The following PECR variants were observed in gnomAD, a reference collection of about 807,000 sequenced individuals.
The protein encoded by PECR is peroxisomal trans-2-enoyl-CoA reductase.
A neutral mutation model predicts 35.3 loss-of-function variants in PECR; 30 were observed. The ratio of observed to expected loss-of-function variants is 0.85; its 90% CI spans 0.64 to 1.15. PECR has a LOEUF of 1.15. Among genes scored for constraint, PECR ranks in the 50% most tolerant of loss-of-function variants. The pLI, the probability that PECR is intolerant of heterozygous loss-of-function variation, is 0.00. For missense variants in PECR, 392 were observed against 370.8 expected, an observed-to-expected ratio of 1.06 and a Z score of -0.47; for synonymous variants, 148 against 138.9, an observed-to-expected ratio of 1.07 and a Z score of -0.46.
At chr2:216,071,449 GA>G (rs1320860295) in intron 1 of PECR, among the ~76,000 whole-genome samples, 3 of 151,236 alleles carry the variant, frequency 2.0e-5, no homozygotes, top group South Asian at 2.1e-4. Flanking sequence ...GTATAGCAAA[GA>G]AAAAAAATCA....
At chr2:216,077,046 C>G (rs567402513) in intron 1 of PECR, among the ~76,000 whole-genome samples, 2 of 151,302 alleles carry the variant, frequency 1.3e-5, no homozygotes, top group Non-Finnish European at 2.9e-5. Flanking sequence ...ATTACACGCA[C>G]GCACCACCTC....
intron 1 of PECR, among the ~76,000 whole-genome samples, chr2:216,072,428 G>A (rs532354226): frequency 2.0e-5 from 3 of 152,294 alleles, no homozygotes; most frequent in African/African-American, 7.2e-5. Flanking sequence ...GGGGACAAGT[G>A]TAGTTTTGTT....
chr2:216,052,770 A>T (rs1466624508), intron 4 of PECR, among the ~76,000 whole-genome samples: 1 of 152,162 alleles, frequency 6.6e-6, no homozygotes, highest in African/African-American at 2.4e-5. Flanking sequence ...ATTTTCACCC[A>T]GTGTCTTCAA....
intron 1 of PECR, among the ~76,000 whole-genome samples, chr2:216,081,312 A>C (rs1490172628): frequency 6.6e-6 from 1 of 152,208 alleles, no homozygotes; most frequent in East Asian, 1.9e-4. Context: ...TATAGAATGG[A>C]TTAATTTTAA....
At chr2:216,033,990 C>T (rs1056822565), downstream of PECR, 4 of 152,108 alleles carry the variant, frequency 2.6e-5, no homozygotes, top group Non-Finnish European at 5.9e-5. Flanking sequence ...AGAATCTTCC[C>T]GCTGGTTGAT....
At chr2:216,029,711 A>G (rs1021374803) in intron 7 of PECR, among the ~76,000 whole-genome samples, 1 of 152,252 alleles carries the variant, frequency 6.6e-6, no homozygotes, top group Non-Finnish European at 1.5e-5. Context: ...AACTCCCAGC[A>G]TGGCTGAAAA....
intron 1 of PECR, among the ~76,000 whole-genome samples, chr2:216,081,100 G>A (rs1026475357): frequency 6.6e-6 from 1 of 152,186 alleles, no homozygotes; most frequent in East Asian, 1.9e-4. Context: ...CAGGTAGATT[G>A]ATTTATGTTC....
chr2:216,074,493 A>AAAAGG (rs1553563151), intron 1 of PECR, among the ~76,000 whole-genome samples: 1 of 133,000 alleles, frequency 7.5e-6, no homozygotes, highest in Admixed American at 8.1e-5. Flanking sequence ...AGAAAGAAAA[A>AAAAGG]AAGGAAGGAA....
chr2:216,035,206 G>C (rs913166477), downstream of PECR, among the ~76,000 whole-genome samples: 2 of 152,200 alleles, frequency 1.3e-5, no homozygotes, highest in Admixed American at 1.3e-4. Context: ...AGAGACATTG[G>C]AGGAGGAAGA....
At chr2:216,069,337 C>T (rs182510987) in intron 1 of PECR, among the ~76,000 whole-genome samples, 1 of 152,288 alleles carries the variant, frequency 6.6e-6, no homozygotes, top group East Asian at 1.9e-4. Flanking sequence ...ATAGCTGTGT[C>T]ACCTCCTGGT....
intron 6 of PECR, among the ~76,000 whole-genome samples, chr2:216,048,368 C>A (rs528999149): frequency 7.4e-4 from 105 of 142,402 alleles, no homozygotes; most frequent in African/African-American, 2.5e-3. Flanking sequence ...AGCCACTGCG[C>A]CTGGCCTTGT....
chr2:216,047,344 TA>T, intron 6 of PECR, among the ~76,000 whole-genome samples: 1 of 152,154 alleles, frequency 6.6e-6, no homozygotes, highest in Middle Eastern at 3.4e-3. Flanking sequence ...AAACTGATAA[TA>T]AAAGCTAGTT....
chr2:216,079,085 G>A (rs893891161), intron 1 of PECR, among the ~76,000 whole-genome samples: 3 of 150,686 alleles, frequency 2.0e-5, no homozygotes, highest in African/African-American at 7.3e-5. Flanking sequence ...AGAGCTTGGT[G>A]TTGAGAATAA....
At position 216,050,213 on chromosome 2, in the gene PECR, C is replaced by A. The variant is rs775216431; in HGVS notation, c.604-840G>T. On this transcript the variant is annotated intron_variant, in intron 5 of 7. Coordinates refer to ENST00000265322, the MANE Select transcript of PECR (RefSeq NM_018441.6). The stretch of plus-strand genomic sequence containing the variant: ...CTTCAGCCTAGGCAACACAGCAAGA[C>A]CTTGTCTCAAACATTTAAAAAAAAA... Among the ~76,000 whole-genome samples, 8 of 152,128 alleles carry A rather than the reference C, an allele frequency of 5.3e-5. No individual in the cohort carries two copies. The South Asian group carries it at 1.7e-3, about 32-fold the overall frequency.
At chr2:216,031,562 G>A (rs1203665431) in intron 7 of PECR, among the ~76,000 whole-genome samples, 1 of 138,346 alleles carries the variant, frequency 7.2e-6, no homozygotes, top group Admixed American at 7.5e-5. Flanking sequence ...AGGGAGGGAG[G>A]GAAGGAAGGA....
chr2:216,064,397 C>T (rs937873107), intron 3 of PECR, among the ~76,000 whole-genome samples: 3 of 152,198 alleles, frequency 2.0e-5, no homozygotes, highest in African/African-American at 7.2e-5. Flanking sequence ...AATGGGTGAG[C>T]ACTACCCTTT....
At chr2:216,030,942 TCTCTCTCTCTCTCTCACA>T (rs1445255729) in intron 7 of PECR, among the ~76,000 whole-genome samples, 106 of 61,300 alleles carry the variant, frequency 1.7e-3, no homozygotes, top group African/African-American at 4.4e-3. Flanking sequence ...TCTCTCTCTC[TCTCTCTCTCTCTCTCACA>T]CACACACACA....
intron 1 of PECR, among the ~76,000 whole-genome samples, chr2:216,070,742 G>A (rs576074864): frequency 1.3e-5 from 2 of 152,310 alleles, no homozygotes; most frequent in South Asian, 2.1e-4. Context: ...AGAAAGAGCA[G>A]GGAGGAGCAG....
intron 7 of PECR, among the ~76,000 whole-genome samples, chr2:216,030,654 T>TTA (rs1309434865): frequency 6.6e-6 from 1 of 151,852 alleles, no homozygotes; most frequent in African/African-American, 2.4e-5. Flanking sequence ...GCGATTCTTG[T>TTA]GCCTCAGCCT....
Sources: allele counts gnomAD v4.1 joint callset (sites outside exome capture counted in the v4.1 genomes callset), GRCh38; gene constraint gnomAD v4.1.1; transcripts MANE v1.5; gene names NCBI Gene and HGNC (gene_info 2026-07-23, HGNC 2026-07-21).